Variants in CTTNBP2 observed in about 807,000 individuals in gnomAD.
CTTNBP2 encodes the protein cortactin-binding protein 2.
Under a neutral mutation model 156.9 loss-of-function variants are expected in CTTNBP2, and 108 were observed. The observed-to-expected ratio is 0.69, with a 90% CI of 0.59 to 0.81. The LOEUF is 0.81. CTTNBP2 is among the 30% of genes least tolerant of loss of function. The probability of loss-of-function intolerance (pLI) is 0.00; values close to 1 mark genes in which losing one functional copy is unlikely to be tolerated. For missense variants in CTTNBP2, 1,924 were observed against 2,035.4 expected, an observed-to-expected ratio of 0.95 and a Z score of 1.05; for synonymous variants, 767 against 751.8, an observed-to-expected ratio of 1.02 and a Z score of -0.33.
rs569794512 is a variant in CTTNBP2, at chr7:117,745,991, C to G, written c.3435+22G>C. 164 of 1,611,738 alleles carry G rather than the reference C, an allele frequency of 1.0e-4. 1 individual carries two copies. The South Asian group carries it at 1.8e-3, about 17-fold the overall frequency. On this transcript the variant is annotated intron_variant, in intron 13 of 22. Coordinates refer to ENST00000160373, the MANE Select transcript of CTTNBP2 (RefSeq NM_033427.3). The stretch of plus-strand genomic sequence containing the variant: ...CTTGCCAATTTTCAAAGAAAAGCAG[C>G]TGATATACAAGTAATCAATACCTTC...
In CTTNBP2 at chr7:117,791,729, C is replaced by T. The variant is rs1799027656; in HGVS notation, c.1467G>A (p.Arg489=). 1 of 1,614,190 alleles carries T rather than the reference C, an allele frequency of 6.2e-7. No homozygotes were observed. The highest frequency in any genetic ancestry group is 8.5e-7 in the Non-Finnish European group (1 of 1,180,034). The change falls in exon 4 of 23, where the codon CGG becomes CGA. Residue 489 remains arginine, a synonymous_variant. Coordinates refer to ENST00000160373, the MANE Select transcript of CTTNBP2 (RefSeq NM_033427.3). The part of the protein sequence containing the change: ...RDNLVAKQLA[R]NTVTQALSRF... ...TTGACAGTGCTTGGGTCACAGTATT[C>T]CGAGCTAGTTGTTTGGCCACTAGGT...
chr7:117,733,693 G>T lies in CTTNBP2; in HGVS notation c.3876+1220C>A, dbSNP rs960287967. On this transcript the variant is annotated intron_variant, in intron 16 of 22. Coordinates refer to ENST00000160373, the MANE Select transcript of CTTNBP2 (RefSeq NM_033427.3). Reference sequence around the variant, plus strand: ...GGGGTAGATTTCCCTCATTAAATTAGGAATTTCAGATATTAATTCTAATTA... The same window carrying T: ...GGGGTAGATTTCCCTCATTAAATTATGAATTTCAGATATTAATTCTAATTA... 3.9e-5 allele frequency among the ~76,000 whole-genome samples: 6 copies of T among 152,116 alleles called. No individual in the cohort carries two copies. In the East Asian group the frequency reaches 1.2e-3, roughly 29 times the overall value.
At chr7:117,801,274 T>C (rs1199344543) in intron 3 of CTTNBP2, among the ~76,000 whole-genome samples, 1 of 152,136 alleles carries the variant, frequency 6.6e-6, no homozygotes, top group Non-Finnish European at 1.5e-5. Flanking sequence ...TAGTTATTAA[T>C]ACAAAAGGAA....
intron 1 of CTTNBP2, chr7:117,872,044 C>T (rs1804645490): frequency 1.2e-6 from 1 of 845,802 alleles, no homozygotes; most frequent in Admixed American, 6.2e-5. Flanking sequence ...TCTTAAAGTT[C>T]TCATTTTCTA....
chr7:117,852,543 A>G (rs117216500), intron 2 of CTTNBP2, among the ~76,000 whole-genome samples: 2,660 of 152,292 alleles, frequency 0.017, 42 homozygotes, highest in Non-Finnish European at 0.026. Context: ...TCATACCCTA[A>G]TTACAGAAAA....
rs150106824 is a variant in CTTNBP2, at chr7:117,856,810, T to C, written c.189+4399A>G. ...ATGGCAGGCTGGGCACTGTAAAATG[T>C]AGGCTTAAGCACATAATTTTGACTT... is the stretch of plus-strand genomic sequence containing the variant. On this transcript the variant is annotated intron_variant, in intron 2 of 22. Transcript: ENST00000160373. Among the ~76,000 whole-genome samples, 135 of 152,340 alleles carry C rather than the reference T, an allele frequency of 8.9e-4. 1 individual carries two copies. In the East Asian group the frequency reaches 0.021, roughly 23 times the overall value.
intron 8 of CTTNBP2, among the ~76,000 whole-genome samples, chr7:117,775,472 A>AC (rs2116754535): frequency 6.6e-6 from 1 of 151,538 alleles, no homozygotes; most frequent in Admixed American, 6.6e-5. Context: ...CAGCATCACA[A>AC]TTGCCCTACA....
chr7:117,830,199 C>G (rs1801515981), intron 2 of CTTNBP2, among the ~76,000 whole-genome samples: 1 of 152,156 alleles, frequency 6.6e-6, no homozygotes, highest in African/African-American at 2.4e-5. Context: ...TAAAATGACT[C>G]TAAAAATAGA....
At chr7:117,831,718 G>A (rs1246343267) in intron 2 of CTTNBP2, among the ~76,000 whole-genome samples, 2 of 151,940 alleles carry the variant, frequency 1.3e-5, no homozygotes, top group Non-Finnish European at 2.9e-5. Flanking sequence ...TCTGTGGCTC[G>A]AGGTGGACAT....
rs751121520 is a variant in CTTNBP2, at chr7:117,792,348, C to T, written c.848G>A (p.Arg283Gln). The T allele has an allele frequency of 3.0e-5, 49 of 1,614,148 alleles. No individual in the cohort carries two copies. In the East Asian group the frequency reaches 7.6e-4, roughly 25 times the overall value. ...AACCAAACGCCTATCTTTTGTCTTC[C>T]GTGGAAGAGAGAGGCTTGGTTTGCT... ...SDSKPSLSLP[R>Q]KTKDRRLVSI... Residue 283 changes from arginine (R) to glutamine (Q), a missense_variant, in exon 4 of 23, where the codon CGG becomes CAG. Coordinates refer to ENST00000160373, the MANE Select transcript of CTTNBP2 (RefSeq NM_033427.3). This position sits in a 1 kb window ranked among gnomAD's most constrained non-coding sequence, Gnocchi z 4.2.
chr7:117,749,081 G>A lies in CTTNBP2; in HGVS notation c.3349-2982C>T, dbSNP rs142416145. The stretch of plus-strand genomic sequence containing the variant: ...GTTGTTTGTAAGCCACCCAGTCTAC[G>A]ATATTTTGTTTCAGCAGCCTGAATG... On this transcript the variant is annotated intron_variant, in intron 12 of 22. Coordinates refer to ENST00000160373, the MANE Select transcript of CTTNBP2 (RefSeq NM_033427.3). Among the ~76,000 whole-genome samples the A allele has an allele frequency of 1.3e-3, 193 of 152,296 alleles. 2 individuals carry two copies. Among genetic ancestry groups the A allele is most frequent in the African/African-American group, 4.2e-3 (173 of 41,554 alleles).
At chr7:117,852,684 C>T (rs552943874) in intron 2 of CTTNBP2, among the ~76,000 whole-genome samples, 23 of 152,274 alleles carry the variant, frequency 1.5e-4, no homozygotes, top group African/African-American at 5.5e-4. Context: ...TAATTACCTG[C>T]GCTCAATTGC....
chr7:117,754,772 GTCTC>G (rs1028744513), intron 12 of CTTNBP2, among the ~76,000 whole-genome samples: 32 of 152,266 alleles, frequency 2.1e-4, no homozygotes, highest in African/African-American at 7.7e-4. Flanking sequence ...AACAGTTTTG[GTCTC>G]TGATTTGCTG....
chr7:117,790,114 A>G lies in CTTNBP2; in HGVS notation c.2068+1014T>C, dbSNP rs1389241415. Among the ~76,000 whole-genome samples the G allele has an allele frequency of 2.0e-5, 3 of 152,190 alleles. 1 individual carries two copies. Among genetic ancestry groups the G allele is most frequent in the African/African-American group, 7.2e-5 (3 of 41,460 alleles). ...TAAAAGTTCTCTCCCATTTGAACCA[A>G]CAATCTCCACCAACCACTAAGATCC... On this transcript the variant is annotated intron_variant, in intron 4 of 22. Transcript: ENST00000160373.
intron 9 of CTTNBP2, among the ~76,000 whole-genome samples, chr7:117,764,602 TA>T (rs1399533486): frequency 6.6e-6 from 1 of 152,262 alleles, no homozygotes; most frequent in Non-Finnish European, 1.5e-5. Context: ...TGTGTCCTTC[TA>T]TAACTGACTT....
At chr7:117,858,615 G>C (rs1803495898) in intron 2 of CTTNBP2, among the ~76,000 whole-genome samples, 1 of 152,200 alleles carries the variant, frequency 6.6e-6, no homozygotes, top group Admixed American at 6.5e-5. Flanking sequence ...GAGCATTTTT[G>C]GTTTTCACAG....
At chr7:117,734,873 C>G (rs1562960809) in intron 16 of CTTNBP2, 40 bp downstream of exon 16, 3 of 1,502,266 alleles carry the variant, frequency 2.0e-6, no homozygotes, top group Non-Finnish European at 2.7e-6. Flanking sequence ...AACAAAAACC[C>G]CTGCTCTCCT....
At chr7:117,721,157 T>C (rs746554932) in intron 19 of CTTNBP2, 27 bp from the exon 20 acceptor site, 7 of 1,298,586 alleles carry the variant, frequency 5.4e-6, no homozygotes, top group South Asian at 1.2e-5. Flanking sequence ...CCATTTTCAA[T>C]AGATCATTAT....
intron 2 of CTTNBP2, among the ~76,000 whole-genome samples, chr7:117,838,783 C>T (rs1425535167): frequency 6.6e-6 from 1 of 151,984 alleles, no homozygotes; most frequent in Non-Finnish European, 1.5e-5. Flanking sequence ...GAAACCCGCA[C>T]TAAAATAAAG....
Sources: gnomAD v4.1 joint callset for allele counts (sites outside exome capture counted in the v4.1 genomes callset) on GRCh38, gnomAD v4.1.1 for gene constraint, Gnocchi (gnomAD v3.1) non-coding constraint, MANE v1.5 for transcripts, NCBI Gene and HGNC (gene_info 2026-07-23, HGNC 2026-07-21) for gene names.